Variants in ARID1B observed in about 807,000 individuals in gnomAD.
The protein encoded by ARID1B is AT-rich interaction domain 1B.
In ARID1B, 30 loss-of-function variants were observed where a neutral mutation model predicts 212.3. The observed-to-expected ratio is 0.14, with a 90% CI of 0.11 to 0.19. The LOEUF is 0.19. Among genes scored for constraint, ARID1B ranks in the 10% least tolerant of loss-of-function variants. The probability of loss-of-function intolerance (pLI) is 1.00; values close to 1 mark genes in which losing one functional copy is unlikely to be tolerated. For missense variants in ARID1B, 2,891 were observed against 3,204.0 expected, an observed-to-expected ratio of 0.90 and a Z score of 2.36; for synonymous variants, 1,402 against 1,301.7, an observed-to-expected ratio of 1.08 and a Z score of -1.66.
At chr6:157,155,961 A>G (rs1790548064) in intron 8 of ARID1B, among the ~76,000 whole-genome samples, 1 of 152,138 alleles carries the variant, frequency 6.6e-6, no homozygotes, top group African/African-American at 2.4e-5. Flanking sequence ...TCTATAATTC[A>G]TATCCTGTGT....
intron 10 of ARID1B, 30 bp downstream of exon 10, chr6:157,174,147 A>G (rs2128304200): frequency 6.3e-7 from 1 of 1,594,310 alleles, no homozygotes. Flanking sequence ...ACGCGGTGTG[A>G]GGTCTGCCTA....
At chr6:156,903,211 C>T (rs1789093300) in intron 3 of ARID1B, among the ~76,000 whole-genome samples, 1 of 152,154 alleles carries the variant, frequency 6.6e-6, no homozygotes, top group Non-Finnish European at 1.5e-5. Context: ...TTAAAGCATA[C>T]TACAAGTAAA....
chr6:157,148,507 T>A lies in ARID1B; in HGVS notation c.2762-117T>A. On this transcript the variant is annotated intron_variant, in intron 7 of 19. Coordinates refer to ENST00000636930, the MANE Select transcript of ARID1B (RefSeq NM_001374828.1). The surrounding 1 kb of genome is among the most constrained non-coding windows in gnomAD (Gnocchi z 5.6). ...TGCACCAGCAGCAACAGGAAGGGCCTATAACGGTCATGACTAATACTCCGT... is the reference window on the plus strand; with the variant it reads ...TGCACCAGCAGCAACAGGAAGGGCCAATAACGGTCATGACTAATACTCCGT... The A allele has an allele frequency of 8.8e-7, 1 of 1,141,744 alleles. No homozygotes were observed. The highest frequency in any genetic ancestry group is 1.2e-6 in the Non-Finnish European group (1 of 817,168). The allele number at this position is 1,141,744 out of a possible 1,614,324, so 70.7% of individuals were successfully genotyped here.
At chr6:156,888,395 A>C (rs1787680994) in intron 2 of ARID1B, among the ~76,000 whole-genome samples, 1 of 152,178 alleles carries the variant, frequency 6.6e-6, no homozygotes, top group African/African-American at 2.4e-5. Context: ...GTAGCCTGAC[A>C]CTTATTTTAA....
intron 3 of ARID1B, among the ~76,000 whole-genome samples, chr6:156,908,137 G>T (rs965880933): frequency 3.3e-5 from 5 of 152,150 alleles, no homozygotes; most frequent in Non-Finnish European, 7.3e-5. Context: ...TTGGCCTCAA[G>T]TGATCCTCCT....
In ARID1B at chr6:156,990,057, C is replaced by T. The variant is rs968574148; in HGVS notation, c.2247+54481C>T. Among the ~76,000 whole-genome samples the T allele has an allele frequency of 4.6e-5, 7 of 151,962 alleles. No individual in the cohort carries two copies. The South Asian group carries it at 6.2e-4, about 14-fold the overall frequency. On this transcript the variant is annotated intron_variant, in intron 4 of 19. Coordinates refer to ENST00000636930, the MANE Select transcript of ARID1B (RefSeq NM_001374828.1). ...TACTTAGGAGCACATGTTCTCTTACCGGACTTACTATTTGGGGAGCAAAAA... is the reference window on the plus strand; with the variant it reads ...TACTTAGGAGCACATGTTCTCTTACTGGACTTACTATTTGGGGAGCAAAAA...
chr6:156,894,237 CA>C (rs1308669693), intron 2 of ARID1B, among the ~76,000 whole-genome samples: 2 of 103,212 alleles, frequency 1.9e-5, no homozygotes, highest in Non-Finnish European at 1.9e-5. Flanking sequence ...TAACCAAATT[CA>C]TAGAGTCAGA....
intron 3 of ARID1B, among the ~76,000 whole-genome samples, chr6:156,929,558 T>C (rs1409328509): frequency 1.3e-5 from 2 of 152,222 alleles, no homozygotes; most frequent in African/African-American, 4.8e-5. Flanking sequence ...GATCAAGAAA[T>C]TATTGAGACT....
chr6:157,167,934 C>G (rs1583440481), intron 9 of ARID1B: 1 of 152,208 alleles, frequency 6.6e-6, no homozygotes, highest in South Asian at 2.1e-4. Flanking sequence ...ATGTGTATTT[C>G]CAGCGACCTG....
At chr6:157,114,207 G>C (rs1787151856) in intron 6 of ARID1B, among the ~76,000 whole-genome samples, 1 of 152,140 alleles carries the variant, frequency 6.6e-6, no homozygotes, top group African/African-American at 2.4e-5. Context: ...AAATACATTA[G>C]TGAGTTAGTA....
intron 1 of ARID1B, among the ~76,000 whole-genome samples, chr6:156,815,412 T>C (rs901910224): frequency 1.3e-5 from 2 of 152,230 alleles, no homozygotes. Flanking sequence ...TGAAACACTT[T>C]GAACTTTTTT....
chr6:156,977,211 A>G (rs1777306009), intron 4 of ARID1B: 1 of 177,768 alleles, frequency 5.6e-6, no homozygotes, highest in African/African-American at 2.5e-5. Context: ...TCATATCTGT[A>G]GATTTACAGT....
rs149835997 is a variant in ARID1B at position 157,208,594 on chromosome 6, A to G, written c.*703A>G. ...CCGTCATGCCTGCTGTCGGCGTTTG[A>G]CCTTCCACGTGACAGTTCTTCACAA... On this transcript the variant is annotated 3_prime_UTR_variant, in exon 20 of 20. Coordinates refer to ENST00000636930, the MANE Select transcript of ARID1B (RefSeq NM_001374828.1). 1.9e-3 allele frequency: 443 copies of G among 232,624 alleles called. 3 individuals are homozygous for G. The highest frequency in any genetic ancestry group is 0.01 in the East Asian group (168 of 16,438). The allele number at this position is 232,624 out of a possible 1,614,324, so 14.4% of individuals were successfully genotyped here. A position where few individuals can be genotyped will look rare whatever the true frequency, so the allele number is the denominator to read the frequency against.
At chr6:157,058,326 A>G (rs552515411) in intron 4 of ARID1B, among the ~76,000 whole-genome samples, 183 of 147,700 alleles carry the variant, frequency 1.2e-3, no homozygotes, top group African/African-American at 4.3e-3. Context: ...GTGCAGTGGT[A>G]GGATCTTGGC....
chr6:157,085,745 CAT>C (rs1257509845), intron 5 of ARID1B, among the ~76,000 whole-genome samples: 1 of 151,604 alleles, frequency 6.6e-6, no homozygotes, highest in Non-Finnish European at 1.5e-5. Flanking sequence ...GAATATTACA[CAT>C]ATATATCTCT....
intron 4 of ARID1B, among the ~76,000 whole-genome samples, chr6:157,065,271 T>C (rs1345014028): frequency 1.3e-5 from 2 of 152,222 alleles, no homozygotes. Flanking sequence ...CTACTGAAGA[T>C]AGTAAGGTAA....
At chr6:157,055,343 T>C (rs967961318) in intron 4 of ARID1B, among the ~76,000 whole-genome samples, 3 of 152,228 alleles carry the variant, frequency 2.0e-5, no homozygotes, top group African/African-American at 7.2e-5. Context: ...ATAATCTTTT[T>C]TTGTTTCTGT....
chr6:156,994,352 G>A (rs1484585160), intron 4 of ARID1B, among the ~76,000 whole-genome samples: 24 of 151,922 alleles, frequency 1.6e-4, no homozygotes, highest in Admixed American at 1.6e-3. Flanking sequence ...AGCGCTAATG[G>A]GTTTTAAAGC....
chr6:157,123,501 G>A (rs1187255377), intron 6 of ARID1B, among the ~76,000 whole-genome samples: 1 of 152,216 alleles, frequency 6.6e-6, no homozygotes, highest in African/African-American at 2.4e-5. Context: ...GCCTTGTAGA[G>A]GAGGCGTGGG....
Sources: allele counts gnomAD v4.1 joint callset (sites outside exome capture counted in the v4.1 genomes callset), GRCh38; gene constraint gnomAD v4.1.1; non-coding constraint Gnocchi (gnomAD v3.1); transcripts MANE v1.5; gene names NCBI Gene and HGNC (gene_info 2026-07-23, HGNC 2026-07-21).